The following GALK2 variants were observed in gnomAD, a reference collection of about 807,000 sequenced individuals.
The protein encoded by GALK2 is N-acetylgalactosamine kinase.
GALK2 carries 36 observed loss-of-function variants against 52.4 expected under a neutral mutation model. The ratio of observed to expected loss-of-function variants is 0.69; its 90% CI spans 0.53 to 0.91. The LOEUF is 0.91. GALK2 is among the 40% of genes least tolerant of loss of function. The pLI, the probability that GALK2 is intolerant of heterozygous loss-of-function variation, is 0.00. For synonymous variants in GALK2, 176 were observed against 199.1 expected, an observed-to-expected ratio of 0.88 and a Z score of 0.98; for missense variants, 579 against 559.1, an observed-to-expected ratio of 1.04 and a Z score of -0.36.
chr15:49,354,590 G>C (rs985355966), intron 3 of GALK2, among the ~76,000 whole-genome samples: 4 of 152,184 alleles, frequency 2.6e-5, no homozygotes, highest in African/African-American at 9.7e-5. Flanking sequence ...TGGCTGGAAG[G>C]GTCCTACGCC....
At position 49,177,612 on chromosome 15, in the gene GALK2, G is replaced by A. The variant is rs117330565; in HGVS notation, c.53+7237G>A. On this transcript the variant is annotated intron_variant, in intron 1 of 9. Transcript: ENST00000560031. Reference sequence around the variant, plus strand: ...AAACATTACTTACATTAGTGGTAACGGTGGAGTTGGAGAGTATTGTGCCTT... The same window carrying A: ...AAACATTACTTACATTAGTGGTAACAGTGGAGTTGGAGAGTATTGTGCCTT... 1,128 of 187,238 alleles carry A rather than the reference G, an allele frequency of 6.0e-3. 2 individuals are homozygous for A. The highest frequency in any genetic ancestry group is 0.024 in the South Asian group (171 of 7,194). 11.6% of individuals were successfully genotyped at this position (187,238 alleles called of 1,614,324 possible). A position where few individuals can be genotyped will look rare whatever the true frequency, so the allele number is the denominator to read the frequency against.
intron 3 of GALK2, among the ~76,000 whole-genome samples, chr15:49,234,712 T>C (rs1224351840): frequency 6.6e-6 from 1 of 151,990 alleles, no homozygotes; most frequent in Non-Finnish European, 1.5e-5. Context: ...GTGAGAATTA[T>C]GGGAGCTACA....
Position 49,239,385 on chromosome 15 carries a change from G to A in GALK2, c.504+18G>A. 6.2e-7 allele frequency: 1 copy of A among 1,610,042 alleles called. No individual in the cohort carries two copies. The highest frequency in any genetic ancestry group is 8.5e-7 in the Non-Finnish European group (1 of 1,176,936). ...TATCCAAGGTAACTACCTTTGATAG[G>A]AAACCTCATAGAACCCTCTCCTAAT... On this transcript the variant is annotated intron_variant, in intron 5 of 9. Coordinates refer to ENST00000560031, the MANE Select transcript of GALK2 (RefSeq NM_002044.4).
At chr15:49,210,251 A>G (rs1379924962) in intron 2 of GALK2, among the ~76,000 whole-genome samples, 5 of 151,456 alleles carry the variant, frequency 3.3e-5, no homozygotes, top group Non-Finnish European at 7.4e-5. Context: ...AAGATTTGCT[A>G]TTATGTTTAC....
chr15:49,308,779 T>C (rs979300390), intron 8 of GALK2, among the ~76,000 whole-genome samples: 11 of 152,066 alleles, frequency 7.2e-5, no homozygotes, highest in African/African-American at 2.7e-4. Context: ...AATAAACAGG[T>C]GAAGGAGACT....
At chr15:49,317,110 A>T (rs1433894718) in intron 8 of GALK2, among the ~76,000 whole-genome samples, 1 of 151,958 alleles carries the variant, frequency 6.6e-6, no homozygotes, top group Admixed American at 6.5e-5. Flanking sequence ...TCATAGAATT[A>T]TAAAATGTTA....
At chr15:49,200,551 G>A (rs1344818983) in intron 1 of GALK2, among the ~76,000 whole-genome samples, 1 of 152,140 alleles carries the variant, frequency 6.6e-6, no homozygotes, top group African/African-American at 2.4e-5. Flanking sequence ...GTGATGACAC[G>A]GCAGAGATTA....
At position 49,235,872 on chromosome 15, in the gene GALK2, TAAC is replaced by T; in HGVS notation, c.290_292del (p.Asn97del). On this transcript the variant is annotated inframe_deletion, in exon 4 of 10. Transcript: ENST00000560031. ...GCAGGGACTTCAGTACTAGTGCTAATAACATCCAGATTGATAAAACCAAGCCTT... is the reference window on the plus strand; with the variant it reads ...GCAGGGACTTCAGTACTAGTGCTAATATCCAGATTGATAAAACCAAGCCTT... 6.2e-7 allele frequency: 1 copy of T among 1,613,006 alleles called. No homozygotes were observed. Among genetic ancestry groups the T allele is most frequent in the Non-Finnish European group, 8.5e-7 (1 of 1,178,996 alleles).
chr15:49,338,584 G>T (rs898689134), intron 3 of GALK2, among the ~76,000 whole-genome samples: 4 of 152,162 alleles, frequency 2.6e-5, no homozygotes, highest in African/African-American at 9.7e-5. Flanking sequence ...CAACCTTGGT[G>T]AATCTGACAA....
chr15:49,305,216 G>A (rs1179443568), intron 8 of GALK2, among the ~76,000 whole-genome samples: 3 of 152,086 alleles, frequency 2.0e-5, no homozygotes, highest in Admixed American at 1.3e-4. Flanking sequence ...CTTTTTGCAG[G>A]TTATTGCCAA....
chr15:49,333,564 G>A (rs141656418), downstream of GALK2, among the ~76,000 whole-genome samples: 1 of 152,130 alleles, frequency 6.6e-6, no homozygotes, highest in Non-Finnish European at 1.5e-5. Flanking sequence ...GCAGAAAGCT[G>A]GGTGATAAAG....
At chr15:49,199,758 T>C (rs2087574198) in intron 1 of GALK2, among the ~76,000 whole-genome samples, 1 of 152,042 alleles carries the variant, frequency 6.6e-6, no homozygotes, top group African/African-American at 2.4e-5. Flanking sequence ...TCATGAAAAC[T>C]GAAGGTATGG....
At chr15:49,241,896 C>T (rs1230538170) in intron 5 of GALK2, among the ~76,000 whole-genome samples, 6 of 152,186 alleles carry the variant, frequency 3.9e-5, no homozygotes, top group South Asian at 2.1e-4. Flanking sequence ...ATTTTTTTAT[C>T]GGAACTATCT....
chr15:49,195,920 A>G (rs1440184437), intron 1 of GALK2, among the ~76,000 whole-genome samples: 1 of 152,024 alleles, frequency 6.6e-6, no homozygotes, highest in Admixed American at 6.6e-5. Flanking sequence ...ATGGAATCAG[A>G]CTATTATAGT....
intron 1 of GALK2, among the ~76,000 whole-genome samples, chr15:49,175,109 A>G (rs1180759672): frequency 6.6e-6 from 1 of 152,230 alleles, no homozygotes; most frequent in Non-Finnish European, 1.5e-5. Context: ...GTGGGTAAAC[A>G]TATATGTAAC....
intron 1 of GALK2, among the ~76,000 whole-genome samples, chr15:49,181,963 A>T (rs896419633): frequency 6.6e-6 from 1 of 152,158 alleles, no homozygotes. Flanking sequence ...GGTATGCATC[A>T]CCTCAAGCAT....
At chr15:49,240,483 T>C (rs759785537) in intron 5 of GALK2, among the ~76,000 whole-genome samples, 2 of 152,164 alleles carry the variant, frequency 1.3e-5, no homozygotes, top group Non-Finnish European at 2.9e-5. Context: ...GACAAGTAAA[T>C]AGGCAACTGC....
intron 1 of GALK2, chr15:49,156,028 G>C (rs200970801): frequency 6.8e-5 from 110 of 1,614,054 alleles, no homozygotes; most frequent in Non-Finnish European, 8.9e-5. Context: ...TATTATTTCT[G>C]CTATCATTGT....
chr15:49,198,228 G>A (rs1007287545), intron 1 of GALK2, among the ~76,000 whole-genome samples: 1 of 152,176 alleles, frequency 6.6e-6, no homozygotes, highest in African/African-American at 2.4e-5. Flanking sequence ...AGGCTGGAGT[G>A]CAATGGCGCG....
Sources: allele counts gnomAD v4.1 joint callset (sites outside exome capture counted in the v4.1 genomes callset), GRCh38; gene constraint gnomAD v4.1.1; transcripts MANE v1.5; gene names NCBI Gene and HGNC (gene_info 2026-07-23, HGNC 2026-07-21).